Variants in FAM149B1 observed in about 807,000 individuals in gnomAD.
FAM149B1 encodes family with sequence similarity 149 member B1.
Under a neutral mutation model 75.3 loss-of-function variants are expected in FAM149B1, and 56 were observed. The observed-to-expected ratio is 0.74, with a 90% CI of 0.60 to 0.93. The LOEUF (loss-of-function observed/expected upper bound fraction) is 0.93, where lower values mean the gene tolerates loss of function less well. Among genes scored for constraint, FAM149B1 ranks in the 40% least tolerant of loss-of-function variants. The pLI, the probability that FAM149B1 is intolerant of heterozygous loss-of-function variation, is 0.00. For synonymous variants in FAM149B1, 259 were observed against 256.1 expected (o/e 1.01, Z -0.11); for missense variants, 639 against 708.4 (o/e 0.90, Z 1.11).
chr10:73,193,549 C>T lies in FAM149B1; in HGVS notation c.498C>T (p.Ser166=), dbSNP rs550968014. 4.3e-5 allele frequency: 67 copies of T among 1,550,636 alleles called. No homozygotes were observed. The highest frequency in any genetic ancestry group is 3.9e-4 in the South Asian group (33 of 84,012). ...RLYPRSPSAV[S]ASYETTLSQE... Reference sequence around the variant, plus strand: ...ATCCTAGATCCCCTTCTGCTGTTTCCGCTTCATATGAAACAACCTTGTCTC... The same window carrying T: ...ATCCTAGATCCCCTTCTGCTGTTTCTGCTTCATATGAAACAACCTTGTCTC... Residue 166 remains serine, a synonymous_variant, in exon 5 of 14, where the codon TCC becomes TCT. Transcript: ENST00000242505.
intron 2 of FAM149B1, among the ~76,000 whole-genome samples, chr10:73,175,952 A>G (rs187745409): frequency 6.6e-6 from 1 of 152,250 alleles, no homozygotes; most frequent in Admixed American, 6.5e-5. Context: ...TGGACTGTGC[A>G]GTGGGGTGAG....
intron 3 of FAM149B1, among the ~76,000 whole-genome samples, chr10:73,179,513 A>C (rs958924027): frequency 3.3e-5 from 5 of 151,500 alleles, no homozygotes; most frequent in Non-Finnish European, 7.4e-5. Context: ...TCCTGGGCTC[A>C]AGCCATCCTC....
chr10:73,196,080 C>G (rs1181389992), intron 5 of FAM149B1, among the ~76,000 whole-genome samples: 1 of 152,192 alleles, frequency 6.6e-6, no homozygotes, highest in East Asian at 1.9e-4. Context: ...TTAGCCACTT[C>G]AAGCTAGTAC....
chr10:73,223,103 G>A (rs907616977), intron 7 of FAM149B1, among the ~76,000 whole-genome samples: 9 of 152,054 alleles, frequency 5.9e-5, no homozygotes, highest in South Asian at 4.1e-4. Flanking sequence ...CTGGATGACC[G>A]TGCAAGACCC....
Position 73,243,876 on chromosome 10 carries a change from A to C in FAM149B1, c.*2857A>C. The C allele has an allele frequency of 6.2e-7, 1 of 1,614,184 alleles. No individual in the cohort carries two copies. ...CTGCCTTCAGGCTATCCACGCCTTCATCAAGCCCCAACTCCTTTCTGCTCA... is the reference window on the plus strand; with the variant it reads ...CTGCCTTCAGGCTATCCACGCCTTCCTCAAGCCCCAACTCCTTTCTGCTCA... On this transcript the variant is annotated 3_prime_UTR_variant, in exon 14 of 14. Transcript: ENST00000242505.
Position 73,190,112 on chromosome 10 carries a change from C to T in FAM149B1, c.283-2444C>T, listed in dbSNP as rs76856605. The stretch of plus-strand genomic sequence containing the variant: ...CTAGAACTAAGAAAATCACCTAGAA[C>T]CAGGGAACTAAAGACAGAATTTGAA... On this transcript the variant is annotated intron_variant, in intron 3 of 13. Coordinates refer to ENST00000242505, the MANE Select transcript of FAM149B1 (RefSeq NM_173348.2). Among the ~76,000 whole-genome samples, 31 of 152,052 alleles carry T rather than the reference C, an allele frequency of 2.0e-4. No homozygotes were observed. The East Asian group carries it at 3.3e-3, about 16-fold the overall frequency.
chr10:73,193,731 C>T (rs557219290), intron 5 of FAM149B1, 138 bp downstream of exon 5: 5 of 841,524 alleles, frequency 5.9e-6, no homozygotes, highest in South Asian at 4.8e-5. Flanking sequence ...GTAAGATTGT[C>T]CATAGTCTTT....
At chr10:73,172,779 T>G (rs111802907) in intron 1 of FAM149B1, among the ~76,000 whole-genome samples, 68 of 152,138 alleles carry the variant, frequency 4.5e-4, no homozygotes, top group Middle Eastern at 3.4e-3. Context: ...CATATGTAAT[T>G]TAAAATTTTC....
At chr10:73,168,772 T>A (rs1843568684) in intron 1 of FAM149B1, 1 of 188,626 alleles carries the variant, frequency 5.3e-6, no homozygotes, top group African/African-American at 2.4e-5. Flanking sequence ...GATATCAGAT[T>A]GGGAACATTA....
chr10:73,230,635 A>G (rs1358167718), intron 9 of FAM149B1, 110 bp downstream of exon 9: 23 of 635,088 alleles, frequency 3.6e-5, no homozygotes, highest in South Asian at 3.0e-4. Flanking sequence ...AACCACAAAA[A>G]CTCCTGGGGA....
chr10:73,178,040 A>G, intron 3 of FAM149B1, 65 bp downstream of exon 3: 1 of 1,443,348 alleles, frequency 6.9e-7, no homozygotes, highest in Non-Finnish European at 9.3e-7. Flanking sequence ...AGGATTTGTC[A>G]GTATATTTCA....
intron 3 of FAM149B1, among the ~76,000 whole-genome samples, chr10:73,184,495 C>A (rs2042472552): frequency 6.6e-6 from 1 of 151,852 alleles, no homozygotes; most frequent in Non-Finnish European, 1.5e-5. Context: ...GACATCCCAC[C>A]CAGTGACAGC....
intron 6 of FAM149B1, 112 bp from the exon 7 acceptor site, chr10:73,210,138 AT>A: frequency 1.5e-6 from 1 of 685,218 alleles, no homozygotes; most frequent in Non-Finnish European, 2.4e-6. Context: ...AATTAATTCT[AT>A]TTTCCATTTT....
chr10:73,230,833 T>G (rs2043676632), intron 9 of FAM149B1: 1 of 205,680 alleles, frequency 4.9e-6, no homozygotes, highest in African/African-American at 2.3e-5. Context: ...GTGTAGGTTT[T>G]GAACTTGTCC....
chr10:73,225,264 CAGA>C (rs1448676957), intron 7 of FAM149B1, among the ~76,000 whole-genome samples: 3 of 152,066 alleles, frequency 2.0e-5, no homozygotes, highest in African/African-American at 7.2e-5. Context: ...GGAGGTATTC[CAGA>C]AGAAGGCATT....
intron 1 of FAM149B1, among the ~76,000 whole-genome samples, chr10:73,169,871 C>T (rs1309407031): frequency 6.7e-6 from 1 of 150,298 alleles, no homozygotes; most frequent in Non-Finnish European, 1.5e-5. Context: ...GCCAAAAAGT[C>T]AGGAGTTGAG....
At chr10:73,185,360 G>A (rs1261583031) in intron 3 of FAM149B1, among the ~76,000 whole-genome samples, 1 of 152,128 alleles carries the variant, frequency 6.6e-6, no homozygotes, top group Non-Finnish European at 1.5e-5. Flanking sequence ...ACCAGCCTGA[G>A]CAACATAGTG....
intron 4 of FAM149B1, 53 bp from the exon 5 acceptor site, chr10:73,193,424 G>T (rs2042725600): frequency 2.6e-6 from 4 of 1,514,592 alleles, no homozygotes; most frequent in Non-Finnish European, 3.5e-6. Context: ...TCTAGATTTT[G>T]TATGTATGCC....
At chr10:73,231,925 T>TAAAAAAA (rs10693492) in intron 9 of FAM149B1, among the ~76,000 whole-genome samples, 1 of 142,020 alleles carries the variant, frequency 7.0e-6, no homozygotes, top group Non-Finnish European at 1.6e-5. Flanking sequence ...TAGGGTGTGT[T>TAAAAAAA]AAAAAAAAAA....
Sources: allele counts gnomAD v4.1 joint callset (sites outside exome capture counted in the v4.1 genomes callset), GRCh38; gene constraint gnomAD v4.1.1; transcripts MANE v1.5; gene names NCBI Gene and HGNC (gene_info 2026-07-23, HGNC 2026-07-21).